The following GREB1L variants were observed in gnomAD, a reference collection of about 807,000 sequenced individuals.
GREB1L encodes the protein GREB1-like protein.
GREB1L carries 17 observed loss-of-function variants against 200.8 expected under a neutral mutation model. The ratio of observed to expected loss-of-function variants is 0.08; its 90% CI spans 0.06 to 0.13. GREB1L has a LOEUF of 0.13. GREB1L is among the 10% of genes least tolerant of loss of function. The pLI is 1.00. For missense variants in GREB1L, 1,657 were observed against 2,367.7 expected (o/e 0.70, Z 6.23); for synonymous variants, 789 against 893.0 (o/e 0.88, Z 2.08).
intron 1 of GREB1L, among the ~76,000 whole-genome samples, chr18:21,301,624 T>G (rs2038618477): frequency 6.6e-6 from 1 of 152,232 alleles, no homozygotes; most frequent in African/African-American, 2.4e-5. Flanking sequence ...TGGCCATCTT[T>G]CCTAAGGAAA....
intron 1 of GREB1L, among the ~76,000 whole-genome samples, chr18:21,322,711 GACTCAAAT>G (rs1435365194): frequency 2.6e-5 from 4 of 151,994 alleles, no homozygotes; most frequent in Non-Finnish European, 5.9e-5. Flanking sequence ...AATTATAATA[GACTCAAAT>G]ACATACTAGA....
chr18:21,416,104 AAG>A (rs2031604520), intron 7 of GREB1L, among the ~76,000 whole-genome samples: 1 of 152,226 alleles, frequency 6.6e-6, no homozygotes, highest in Admixed American at 6.5e-5. Flanking sequence ...TCAGAAAGTT[AAG>A]TAGACATGAC....
chr18:21,430,581 C>CTTTTT (rs147151717), intron 7 of GREB1L, among the ~76,000 whole-genome samples: 2 of 60,192 alleles, frequency 3.3e-5, no homozygotes, highest in Non-Finnish European at 6.2e-5. Context: ...GATTTGGGAT[C>CTTTTT]TTTTTTTTTT....
At chr18:21,274,565 C>T (rs1203140639) in intron 1 of GREB1L, among the ~76,000 whole-genome samples, 1 of 152,090 alleles carries the variant, frequency 6.6e-6, no homozygotes, top group Non-Finnish European at 1.5e-5. Context: ...CATGTGCCAC[C>T]ATGCCCGGCA....
chr18:21,475,238 A>G (rs1031942865), intron 16 of GREB1L, among the ~76,000 whole-genome samples: 1 of 151,580 alleles, frequency 6.6e-6, no homozygotes, highest in Non-Finnish European at 1.5e-5. Flanking sequence ...CTCTCTCACT[A>G]TTTCTCCTCT....
At chr18:21,471,539 C>T (rs2035480843) in intron 15 of GREB1L, among the ~76,000 whole-genome samples, 1 of 152,118 alleles carries the variant, frequency 6.6e-6, no homozygotes, top group African/African-American at 2.4e-5. Context: ...CCAGACCTAG[C>T]ACAGTAAGTG....
At chr18:21,252,505 C>T (rs1369706065) in intron 1 of GREB1L, among the ~76,000 whole-genome samples, 3 of 125,656 alleles carry the variant, frequency 2.4e-5, no homozygotes, top group Non-Finnish European at 3.3e-5. Flanking sequence ...TGCGGTGAGC[C>T]GAGATCGCAC....
intron 4 of GREB1L, among the ~76,000 whole-genome samples, chr18:21,394,190 G>A (rs1222941255): frequency 6.6e-6 from 1 of 152,146 alleles, no homozygotes; most frequent in East Asian, 1.9e-4. Context: ...TATGTCATAT[G>A]TCCACCCTTG....
intron 1 of GREB1L, among the ~76,000 whole-genome samples, chr18:21,299,770 C>A (rs2144676748): frequency 6.6e-6 from 1 of 152,174 alleles, no homozygotes; most frequent in Non-Finnish European, 1.5e-5. Context: ...AATTCTGAAA[C>A]CTAGTTATTT....
At position 21,441,440 on chromosome 18, in the gene GREB1L, T is replaced by A; in HGVS notation, c.1110T>A (p.Thr370=). Residue 370 remains threonine, a synonymous_variant, in exon 10 of 33, where the codon ACT becomes ACA. Transcript: ENST00000424526. The part of the protein sequence containing the change: ...LSAPVPQTPL[T]GILQPRPIPA... ...CCCCAGTTCCACAGACCCCACTAAC[T>A]GGAATTTTACAACCCAGGCCCATTC... 1.3e-6 allele frequency: 2 copies of A among 1,551,286 alleles called. No individual in the cohort carries two copies. The highest frequency in any genetic ancestry group is 1.7e-6 in the Non-Finnish European group (2 of 1,146,808).
chr18:21,525,830 C>T lies in GREB1L; in HGVS notation c.*3009C>T, dbSNP rs558370450. On this transcript the variant is annotated 3_prime_UTR_variant, in exon 33 of 33. Transcript: ENST00000424526. Reference sequence around the variant, plus strand: ...CAACTTTGTTGTCCCAGAAAAATGGCTTTCAATCTATTAATAAAGTGTAGT... The same window carrying T: ...CAACTTTGTTGTCCCAGAAAAATGGTTTTCAATCTATTAATAAAGTGTAGT... Among the ~76,000 whole-genome samples the T allele has an allele frequency of 6.6e-6, 1 of 151,876 alleles. No homozygotes were observed. The highest frequency in any genetic ancestry group is 6.6e-5 in the Admixed American group (1 of 15,204).
chr18:21,270,650 C>T (rs1314139308), intron 1 of GREB1L, among the ~76,000 whole-genome samples: 1 of 152,160 alleles, frequency 6.6e-6, no homozygotes, highest in East Asian at 1.9e-4. Context: ...GTTGTTTTAA[C>T]CCTGCCTAAA....
Position 21,444,260 on chromosome 18 carries a change from G to A in GREB1L, c.1244G>A (p.Gly415Asp). 4 of 1,551,634 alleles carry A rather than the reference G, an allele frequency of 2.6e-6. No homozygotes were observed. The highest frequency in any genetic ancestry group is 3.5e-6 in the Non-Finnish European group (4 of 1,146,814). The change falls in exon 11 of 33, where the codon GGT (glycine) becomes GAT (aspartate). Residue 415 changes from glycine (G) to aspartate (D), a missense_variant. Transcript: ENST00000424526. ...TTACCCTATTTCTATGGAAATGTTG[G>A]TGACATTGTTGTGAGTCCTCTGCTG... ...GTLPYFYGNV[G>D]DIVVSPLLVN...
chr18:21,361,021 A>G (rs955222105), intron 1 of GREB1L, among the ~76,000 whole-genome samples: 2 of 152,202 alleles, frequency 1.3e-5, no homozygotes, highest in Non-Finnish European at 2.9e-5. Flanking sequence ...TCTGTTATCT[A>G]TTTTTAGGTC....
chr18:21,349,014 G>C (rs2039395713), intron 1 of GREB1L, among the ~76,000 whole-genome samples: 1 of 152,054 alleles, frequency 6.6e-6, no homozygotes, highest in Non-Finnish European at 1.5e-5. Flanking sequence ...CTGTCTCCAG[G>C]GACTGCTTGT....
At chr18:21,309,738 GT>G (rs1201631842) in intron 1 of GREB1L, among the ~76,000 whole-genome samples, 1 of 151,864 alleles carries the variant, frequency 6.6e-6, no homozygotes, top group Non-Finnish European at 1.5e-5. Flanking sequence ...TTCTCTGTGG[GT>G]GAGCAAAACA....
chr18:21,310,201 A>G (rs1323290204), intron 1 of GREB1L, among the ~76,000 whole-genome samples: 1 of 152,172 alleles, frequency 6.6e-6, no homozygotes, highest in Non-Finnish European at 1.5e-5. Context: ...TGGTTTACAA[A>G]TGTTGGGCAG....
intron 1 of GREB1L, among the ~76,000 whole-genome samples, chr18:21,280,980 G>A (rs2038259438): frequency 6.6e-6 from 1 of 152,128 alleles, no homozygotes; most frequent in African/African-American, 2.4e-5. Context: ...AAAGAGGTCT[G>A]GAGGTAGGTG....
intron 7 of GREB1L, among the ~76,000 whole-genome samples, chr18:21,428,364 CTT>C (rs1407108351): frequency 2.2e-5 from 1 of 44,462 alleles, no homozygotes; most frequent in Non-Finnish European, 4.3e-5. Context: ...TTTTTGTCCT[CTT>C]GTGTTGAAAC....
Sources: gnomAD v4.1 joint callset for allele counts (sites outside exome capture counted in the v4.1 genomes callset) on GRCh38, gnomAD v4.1.1 for gene constraint, MANE v1.5 for transcripts, NCBI Gene and HGNC (gene_info 2026-07-23, HGNC 2026-07-21) for gene names.